Variants in CHM observed in about 807,000 individuals in gnomAD.
CHM encodes the protein rab proteins geranylgeranyltransferase component A 1.
In CHM, 10 loss-of-function variants were observed where a neutral mutation model predicts 49.0. The ratio of observed to expected loss-of-function variants is 0.20; its 90% confidence interval spans 0.13 to 0.35. The LOEUF (loss-of-function observed/expected upper bound fraction) is 0.35. CHM is among the 10% of genes least tolerant of loss of function. The probability of loss-of-function intolerance (pLI) is 1.00; values close to 1 mark genes in which losing one functional copy is unlikely to be tolerated. For missense variants in CHM, 455 were observed against 478.4 expected (o/e 0.95, Z 0.46); for synonymous variants, 184 against 167.5 (o/e 1.10, Z -0.76).
chrX:85,900,641 T>G lies in CHM; in HGVS notation c.1413+5A>C, dbSNP rs1165790048. The stretch of plus-strand genomic sequence containing the variant: ...TTTATTAAAAATATATAGGACTGAA[T>G]TTACCTGTTGATCTGAATCTGTTTT... On this transcript the variant is annotated splice_donor_5th_base_variant and intron_variant, in intron 11 of 14. Transcript: ENST00000357749. 8.9e-7 allele frequency: 1 copy of G among 1,125,928 alleles called. No individual in the cohort carries two copies. 92.8% of individuals were successfully genotyped at this position (1,125,928 alleles called of 1,213,427 possible).
intron 2 of CHM, among the ~76,000 whole-genome samples, chrX:86,009,059 T>C (rs1932948590): frequency 8.9e-6 from 1 of 112,168 alleles, no homozygotes; most frequent in African/African-American, 3.2e-5. Context: ...CAGTAAGCTT[T>C]CTTCAACACT....
intron 4 of CHM, among the ~76,000 whole-genome samples, chrX:85,975,040 C>CA (rs914705916): frequency 9.1e-6 from 1 of 110,405 alleles, no homozygotes; most frequent in Admixed American, 9.6e-5. Flanking sequence ...AAGACATGAA[C>CA]AGACACTTCA....
At chrX:85,964,142 A>T in intron 4 of CHM, 90 bp from the exon 5 acceptor site, 2 of 770,191 alleles carry the variant, frequency 2.6e-6, no homozygotes, top group Non-Finnish European at 3.7e-6. Context: ...TGCTTATGTG[A>T]CTCAGACATT....
chrX:85,992,334 A>G (rs5968766), intron 2 of CHM, among the ~76,000 whole-genome samples: 19,023 of 111,078 alleles, frequency 0.17, 1,558 homozygotes, highest in Middle Eastern at 0.25. Context: ...CTCACATTTA[A>G]TGTGCACAAA....
intron 6 of CHM, among the ~76,000 whole-genome samples, chrX:85,958,496 C>T (rs3790355): frequency 0.23 from 24,954 of 110,089 alleles, 2,170 homozygotes; most frequent in Non-Finnish European, 0.25. Flanking sequence ...AACCAGGCTC[C>T]GGGCCTCCTC....
chrX:85,907,080 A>G (rs1226760158), intron 9 of CHM, among the ~76,000 whole-genome samples: 3 of 112,319 alleles, frequency 2.7e-5, no homozygotes, highest in South Asian at 7.4e-4. Flanking sequence ...CAGTGAGCTG[A>G]GATTGCACCA....
At chrX:86,027,260 C>T in intron 2 of CHM, 2 of 326,176 alleles carry the variant, frequency 6.1e-6, no homozygotes. Context: ...TAAAATGATG[C>T]ATTTGGTTTA....
At position 86,029,532 on chromosome X, in the gene CHM, T is replaced by A. The variant is rs751538628; in HGVS notation, c.50-1975A>T. ...CCAAACTGTATTTTCACATACATCA[T>A]CTTATTTATTCCTCATTATAATCCT... is the stretch of plus-strand genomic sequence containing the variant. On this transcript the variant is annotated intron_variant, in intron 1 of 14. Coordinates refer to ENST00000357749, the MANE Select transcript of CHM (RefSeq NM_000390.4). 9.8e-5 allele frequency among the ~76,000 whole-genome samples: 11 copies of A among 111,931 alleles called. No individual in the cohort carries two copies. The South Asian group carries it at 2.6e-3, about 27-fold the overall frequency.
At chrX:85,998,906 C>T (rs887078188) in intron 2 of CHM, among the ~76,000 whole-genome samples, 2 of 111,167 alleles carry the variant, frequency 1.8e-5, no homozygotes, top group Non-Finnish European at 3.8e-5. Context: ...TGTATGTATG[C>T]ATATATGCTT....
chrX:85,930,687 T>C (rs1603254082), intron 8 of CHM, among the ~76,000 whole-genome samples: 2 of 111,612 alleles, frequency 1.8e-5, no homozygotes, highest in African/African-American at 6.5e-5. Flanking sequence ...TTTGTGATAA[T>C]ACTATTTTTA....
At chrX:85,904,140 G>C (rs1027628835) in intron 9 of CHM, among the ~76,000 whole-genome samples, 1 of 111,368 alleles carries the variant, frequency 9.0e-6, no homozygotes, top group African/African-American at 3.3e-5. Flanking sequence ...AAAATAAACA[G>C]TGCTGCCAGA....
intron 2 of CHM, among the ~76,000 whole-genome samples, chrX:85,996,751 G>A (rs1018353720): frequency 4.5e-5 from 5 of 111,652 alleles, no homozygotes; most frequent in Non-Finnish European, 9.4e-5. Context: ...TAAGACAAAT[G>A]AGTATCTGAT....
At chrX:85,949,793 A>C (rs1929630877) in intron 8 of CHM, among the ~76,000 whole-genome samples, 1 of 106,769 alleles carries the variant, frequency 9.4e-6, no homozygotes, top group African/African-American at 3.4e-5. Context: ...TCCAGTAGTA[A>C]ACTGAACTAG....
At chrX:85,872,089 G>GA (rs1222551631) in intron 14 of CHM, among the ~76,000 whole-genome samples, 2 of 111,527 alleles carry the variant, frequency 1.8e-5, no homozygotes, top group African/African-American at 6.5e-5. Flanking sequence ...AAGAATTCTA[G>GA]AAAAAAACTG....
intron 4 of CHM, chrX:85,970,215 T>C: frequency 1.5e-6 from 1 of 648,980 alleles, no homozygotes; most frequent in Non-Finnish European, 1.8e-6. Context: ...ATACAATTAT[T>C]ATGTATCAAT....
chrX:85,922,144 A>G (rs1234864396), intron 8 of CHM, among the ~76,000 whole-genome samples: 2 of 112,363 alleles, frequency 1.8e-5, no homozygotes, highest in Non-Finnish European at 3.8e-5. Context: ...TAGATCAGAT[A>G]GCATGTTTGT....
intron 8 of CHM, among the ~76,000 whole-genome samples, chrX:85,919,662 A>T (rs1294916151): frequency 8.9e-6 from 1 of 112,029 alleles, no homozygotes; most frequent in Non-Finnish European, 1.9e-5. Context: ...TTATAGAAGA[A>T]GTTTAATAAT....
intron 2 of CHM, among the ~76,000 whole-genome samples, chrX:85,994,373 G>T (rs1603273527): frequency 8.9e-6 from 1 of 111,791 alleles, no homozygotes; most frequent in East Asian, 2.8e-4. Flanking sequence ...AATTAACACA[G>T]TCCAGTGCCA....
At chrX:85,961,970 T>C (rs1348860563) in intron 5 of CHM, among the ~76,000 whole-genome samples, 1 of 112,058 alleles carries the variant, frequency 8.9e-6, no homozygotes, top group Non-Finnish European at 1.9e-5. Context: ...CTACACCAAT[T>C]CCTACAATTG....
Sources: gnomAD v4.1 joint callset for allele counts (sites outside exome capture counted in the v4.1 genomes callset) on GRCh38, gnomAD v4.1.1 for gene constraint, MANE v1.5 for transcripts, NCBI Gene and HGNC (gene_info 2026-07-23, HGNC 2026-07-21) for gene names.